PSD3: variants seen among roughly 807,000 people sequenced by gnomAD.
The protein encoded by PSD3 is pleckstrin and Sec7 domain containing 3.
Under a neutral mutation model 105.5 loss-of-function variants are expected in PSD3, and 49 were observed. The ratio of observed to expected loss-of-function variants is 0.46; its 90% CI spans 0.37 to 0.59. The LOEUF is 0.59. Ranked by LOEUF, PSD3 falls within the 20% of genes least tolerant of loss-of-function variation. The pLI is 0.00. For missense variants in PSD3, 1,561 were observed against 1,263.8 expected (o/e 1.24, Z -3.57); for synonymous variants, 557 against 457.8 (o/e 1.22, Z -2.77).
chr8:18,771,142 G>C (rs1163231381), intron 8 of PSD3, among the ~76,000 whole-genome samples: 1 of 152,150 alleles, frequency 6.6e-6, no homozygotes, highest in Non-Finnish European at 1.5e-5. Context: ...GCTGAGGCTG[G>C]GGCTTTTATG....
chr8:18,864,454 G>C (rs1212736832), intron 4 of PSD3, among the ~76,000 whole-genome samples: 4 of 152,200 alleles, frequency 2.6e-5, no homozygotes, highest in African/African-American at 7.2e-5. Context: ...TCAGAGACTA[G>C]CTAAAGTAAT....
At chr8:18,832,855 G>A (rs1586166628) in intron 4 of PSD3, among the ~76,000 whole-genome samples, 1 of 152,090 alleles carries the variant, frequency 6.6e-6, no homozygotes, top group Admixed American at 6.5e-5. Flanking sequence ...CACTAGAACA[G>A]CATAGCTCCC....
At chr8:18,659,051 C>T (rs1216265764) in intron 9 of PSD3, among the ~76,000 whole-genome samples, 4 of 152,152 alleles carry the variant, frequency 2.6e-5, no homozygotes, top group Non-Finnish European at 1.5e-5. Context: ...TTCCCATGGA[C>T]AGATCTGCGT....
intron 8 of PSD3, among the ~76,000 whole-genome samples, chr8:18,773,790 C>A (rs1356713173): frequency 6.6e-6 from 1 of 152,100 alleles, no homozygotes; most frequent in Non-Finnish European, 1.5e-5. Context: ...CATACATATA[C>A]AAAGTGAACT....
At chr8:18,986,160 T>C (rs1490560072) in intron 1 of PSD3, among the ~76,000 whole-genome samples, 1 of 152,154 alleles carries the variant, frequency 6.6e-6, no homozygotes, top group East Asian at 1.9e-4. Flanking sequence ...TTTTGATGCT[T>C]TCACATACAG....
At position 18,844,222 on chromosome 8, in the gene PSD3, C is replaced by T. The variant is rs953615911; in HGVS notation, c.1634+23452G>A. 3.3e-5 allele frequency among the ~76,000 whole-genome samples: 5 copies of T among 152,264 alleles called. No homozygotes were observed. The South Asian group carries it at 8.3e-4, about 25-fold the overall frequency. ...AGTTCTGATAATTAGTCTTCAAATACGAAGGTACCATGGAAAGAAAGAAAA... is the reference window on the plus strand; with the variant it reads ...AGTTCTGATAATTAGTCTTCAAATATGAAGGTACCATGGAAAGAAAGAAAA... On this transcript the variant is annotated intron_variant, in intron 4 of 15. Coordinates refer to ENST00000327040, the MANE Select transcript of PSD3 (RefSeq NM_015310.4).
chr8:18,980,240 C>G (rs1327690763), intron 1 of PSD3, among the ~76,000 whole-genome samples: 1 of 152,192 alleles, frequency 6.6e-6, no homozygotes, highest in Non-Finnish European at 1.5e-5. Flanking sequence ...ACCTGAGTAA[C>G]CCAGACAGTG....
chr8:18,936,477 A>C (rs1263642421), intron 1 of PSD3, among the ~76,000 whole-genome samples: 2 of 152,218 alleles, frequency 1.3e-5, no homozygotes, highest in Non-Finnish European at 2.9e-5. Flanking sequence ...AGAAAACTAT[A>C]TTTTGGCTGG....
intron 1 of PSD3, among the ~76,000 whole-genome samples, chr8:19,027,247 G>T (rs959153925): frequency 2.0e-5 from 3 of 151,950 alleles, no homozygotes; most frequent in Non-Finnish European, 4.4e-5. Flanking sequence ...AAAAGAAAAA[G>T]ACTCTCATTC....
At chr8:18,771,106 T>C (rs1807481605) in intron 8 of PSD3, among the ~76,000 whole-genome samples, 1 of 152,338 alleles carries the variant, frequency 6.6e-6, no homozygotes, top group Middle Eastern at 3.4e-3. Flanking sequence ...GTCTCCAATG[T>C]CCAGCTGCTT....
intron 2 of PSD3, among the ~76,000 whole-genome samples, chr8:18,888,622 A>T (rs1818585014): frequency 6.6e-6 from 1 of 152,186 alleles, no homozygotes; most frequent in South Asian, 2.1e-4. Context: ...AATCACTATG[A>T]CTTTTAGTAG....
intron 9 of PSD3, chr8:18,733,124 C>T (rs1274971119): frequency 6.6e-6 from 1 of 152,128 alleles, no homozygotes; most frequent in Admixed American, 6.5e-5. Context: ...AACCTAGAAC[C>T]ACCACTTACT....
intron 8 of PSD3, among the ~76,000 whole-genome samples, chr8:18,790,668 A>T (rs1434497064): frequency 6.6e-6 from 1 of 152,086 alleles, no homozygotes; most frequent in Non-Finnish European, 1.5e-5. Context: ...CTATATCCTT[A>T]TTGTGGAGAC....
intron 1 of PSD3, among the ~76,000 whole-genome samples, chr8:18,997,340 T>C (rs1826135776): frequency 6.6e-6 from 1 of 151,798 alleles, no homozygotes; most frequent in Non-Finnish European, 1.5e-5. Flanking sequence ...TCACCCATGC[T>C]TTCTCCCACT....
rs10669321 is a variant in PSD3 at position 19,026,701 on chromosome 8, C to CAAAAAA, written c.324+57499_324+57504dup. Among the ~76,000 whole-genome samples, 819 of 82,164 alleles carry CAAAAAA rather than the reference C, an allele frequency of 1.0e-2. 30 individuals are homozygous for CAAAAAA. The highest frequency in any genetic ancestry group is 0.011 in the Non-Finnish European group (495 of 43,746). The allele number at this position is 82,164 out of a possible 152,430, so 53.9% of individuals were successfully genotyped here. ...GCAACATAGCAAGACCACATCTCTA[C>CAAAAAA]AAAAAAAAAAAAAAAAAAAAAAATG... On this transcript the variant is annotated intron_variant, in intron 1 of 1. Transcript: ENST00000521475.
chr8:18,806,774 G>C (rs1386072236), intron 4 of PSD3, among the ~76,000 whole-genome samples: 2 of 152,122 alleles, frequency 1.3e-5, no homozygotes, highest in African/African-American at 4.8e-5. Flanking sequence ...AACTTGGCTT[G>C]CATTAAGCAC....
rs1161160914 is a variant in PSD3, at chr8:18,716,005, C to T, written c.2172+49444G>A. On this transcript the variant is annotated intron_variant, in intron 9 of 15. Transcript: ENST00000327040. ...TGGTTGCTTCAGGTTGCTCTGGGTGCTTTAACGAACAAAAGTAGGGTAAGA... is the reference window on the plus strand; with the variant it reads ...TGGTTGCTTCAGGTTGCTCTGGGTGTTTTAACGAACAAAAGTAGGGTAAGA... Among the ~76,000 whole-genome samples, 4 of 152,178 alleles carry T rather than the reference C, an allele frequency of 2.6e-5. No individual in the cohort carries two copies. The East Asian group carries it at 5.8e-4, about 22-fold the overall frequency.
At chr8:19,037,336 G>A (rs955823784) in intron 1 of PSD3, among the ~76,000 whole-genome samples, 1 of 152,214 alleles carries the variant, frequency 6.6e-6, no homozygotes, top group African/African-American at 2.4e-5. Flanking sequence ...GTGACATTGG[G>A]CCACATGGCC....
At chr8:18,747,492 T>C (rs903807939) in intron 9 of PSD3, among the ~76,000 whole-genome samples, 1 of 152,068 alleles carries the variant, frequency 6.6e-6, no homozygotes, top group Non-Finnish European at 1.5e-5. Context: ...AAACTACAGG[T>C]GAAAGCAACA....
Sources: gnomAD v4.1 joint callset for allele counts (sites outside exome capture counted in the v4.1 genomes callset) on GRCh38, gnomAD v4.1.1 for gene constraint, MANE v1.5 for transcripts, NCBI Gene and HGNC (gene_info 2026-07-23, HGNC 2026-07-21) for gene names.